The following JAZF1 variants were observed in gnomAD, a reference collection of about 807,000 sequenced individuals.
JAZF1 encodes the protein juxtaposed with another zinc finger protein 1.
In JAZF1, 8 loss-of-function variants were observed where a neutral mutation model predicts 26.4. The ratio of observed to expected loss-of-function variants is 0.30; its 90% CI spans 0.18 to 0.55. The LOEUF (loss-of-function observed/expected upper bound fraction) is 0.55, where lower values mean the gene tolerates loss of function less well. Ranked by LOEUF, JAZF1 falls within the 20% of genes least tolerant of loss-of-function variation. The pLI, the probability that JAZF1 is intolerant of heterozygous loss-of-function variation, is 0.94. For synonymous variants in JAZF1, 126 were observed against 122.3 expected (o/e 1.03, Z -0.20); for missense variants, 199 against 322.0 (o/e 0.62, Z 2.92).
chr7:27,982,022 G>A (rs1240649812), intron 2 of JAZF1, among the ~76,000 whole-genome samples: 1 of 152,216 alleles, frequency 6.6e-6, no homozygotes, highest in African/African-American at 2.4e-5. Context: ...AATAGGAACT[G>A]CTCCAGTCTG....
In JAZF1 at chr7:28,068,334, T is replaced by C. The variant is rs548680246; in HGVS notation, c.116-76353A>G. On this transcript the variant is annotated intron_variant, in intron 1 of 4. Transcript: ENST00000283928. Reference sequence around the variant, plus strand: ...TTATCTCTAAAATACAAAAAGGATATGTAATGGGCATGCAATTGGTCAGTA... The same window carrying C: ...TTATCTCTAAAATACAAAAAGGATACGTAATGGGCATGCAATTGGTCAGTA... Among the ~76,000 whole-genome samples the C allele has an allele frequency of 4.0e-5, 6 of 151,860 alleles. No homozygotes were observed. In the East Asian group the frequency reaches 7.8e-4, roughly 20 times the overall value.
At chr7:27,988,131 G>C (rs1464599892) in intron 2 of JAZF1, among the ~76,000 whole-genome samples, 1 of 150,316 alleles carries the variant, frequency 6.7e-6, no homozygotes, top group Non-Finnish European at 1.5e-5. Context: ...CTCCACTATT[G>C]TCCTATGACC....
At chr7:27,884,983 T>G (rs9655275) in intron 3 of JAZF1, among the ~76,000 whole-genome samples, 6 of 151,982 alleles carry the variant, frequency 3.9e-5, no homozygotes, top group African/African-American at 1.5e-4. Flanking sequence ...CCCTCTCCCC[T>G]CAGAGCAGGT....
At chr7:28,151,094 GATAT>G (rs148248800) in intron 1 of JAZF1, among the ~76,000 whole-genome samples, 5 of 76,878 alleles carry the variant, frequency 6.5e-5, no homozygotes, top group African/African-American at 3.8e-4. Flanking sequence ...GGGGATTTTC[GATAT>G]ATATATATAT....
intron 2 of JAZF1, among the ~76,000 whole-genome samples, chr7:27,987,776 G>C (rs1049228781): frequency 3.3e-5 from 5 of 152,260 alleles, no homozygotes; most frequent in Non-Finnish European, 5.9e-5. Context: ...AAGAAAGAGA[G>C]ATCAGATTGT....
chr7:27,988,920 T>TAAAAA (rs57661404), intron 2 of JAZF1, among the ~76,000 whole-genome samples: 16 of 83,728 alleles, frequency 1.9e-4, no homozygotes, highest in South Asian at 5.2e-4. Flanking sequence ...AGAATCTCTG[T>TAAAAA]AAAAAAAAAA....
At chr7:28,043,770 T>C (rs1783445860) in intron 1 of JAZF1, among the ~76,000 whole-genome samples, 1 of 152,048 alleles carries the variant, frequency 6.6e-6, no homozygotes, top group African/African-American at 2.4e-5. Flanking sequence ...CAAAATGTAG[T>C]ATATTCTTAC....
At chr7:27,833,118 C>G in intron 4 of JAZF1, 142 bp from the exon 5 acceptor site, 1 of 544,596 alleles carries the variant, frequency 1.8e-6, no homozygotes, top group Non-Finnish European at 3.1e-6. Flanking sequence ...CAGTTGGGAC[C>G]CTTCAAGGAC....
intron 3 of JAZF1, among the ~76,000 whole-genome samples, chr7:27,873,625 T>C (rs747157567): frequency 7.9e-5 from 12 of 152,222 alleles, no homozygotes; most frequent in Non-Finnish European, 1.5e-4. Context: ...TTGTTGCCAG[T>C]AGATGTGCCT....
Position 28,106,481 on chromosome 7 carries a change from C to T in JAZF1, c.115+73982G>A, listed in dbSNP as rs1047377992. Among the ~76,000 whole-genome samples the T allele has an allele frequency of 3.9e-5, 6 of 152,160 alleles. 1 individual carries two copies. The highest frequency in any genetic ancestry group is 3.3e-4 in the Admixed American group (5 of 15,278). The stretch of plus-strand genomic sequence containing the variant: ...AGCGAGTTCTAGGGAGACACAGGAT[C>T]TGACACGTGTTAATACCTCATTATA... On this transcript the variant is annotated intron_variant, in intron 1 of 4. Transcript: ENST00000283928.
At chr7:27,993,802 A>G (rs1355004826) in intron 1 of JAZF1, among the ~76,000 whole-genome samples, 1 of 152,314 alleles carries the variant, frequency 6.6e-6, no homozygotes, top group East Asian at 1.9e-4. Flanking sequence ...TGACGATCAA[A>G]GGGCTTTGCT....
rs80057281 is a variant in JAZF1, at chr7:28,082,944, C to T, written c.116-90963G>A. Among the ~76,000 whole-genome samples, 1,384 of 152,330 alleles carry T rather than the reference C, an allele frequency of 9.1e-3. 23 individuals carry two copies. The highest frequency in any genetic ancestry group is 0.032 in the African/African-American group (1,332 of 41,572). ...CCTTCAGTCTGTGAGAAAGTCAAAACTCCTCCAACTGGGATTGCAAAGCCC... is the reference window on the plus strand; with the variant it reads ...CCTTCAGTCTGTGAGAAAGTCAAAATTCCTCCAACTGGGATTGCAAAGCCC... On this transcript the variant is annotated intron_variant, in intron 1 of 4. Coordinates refer to ENST00000283928, the MANE Select transcript of JAZF1 (RefSeq NM_175061.4).
chr7:28,086,582 C>T (rs970536840), intron 1 of JAZF1, among the ~76,000 whole-genome samples: 1 of 152,142 alleles, frequency 6.6e-6, no homozygotes, highest in Non-Finnish European at 1.5e-5. Flanking sequence ...CAGAGCAGCA[C>T]CTTCATTTAA....
At chr7:27,864,536 A>T (rs746675957) in intron 3 of JAZF1, among the ~76,000 whole-genome samples, 17 of 152,194 alleles carry the variant, frequency 1.1e-4, no homozygotes, top group Non-Finnish European at 2.2e-4. Context: ...CCCTAGCAGG[A>T]GTCCTCTCCC....
intron 2 of JAZF1, among the ~76,000 whole-genome samples, chr7:27,911,615 T>C (rs1371260458): frequency 1.3e-5 from 2 of 152,224 alleles, no homozygotes; most frequent in Non-Finnish European, 2.9e-5. Flanking sequence ...CCATATTGAA[T>C]AGAAACATAA....
At chr7:28,160,886 G>T (rs556980959) in intron 1 of JAZF1, among the ~76,000 whole-genome samples, 47 of 152,228 alleles carry the variant, frequency 3.1e-4, no homozygotes, top group African/African-American at 1.1e-3. Flanking sequence ...GTTTGTTTTT[G>T]GTTTGGTTGG....
intron 1 of JAZF1, among the ~76,000 whole-genome samples, chr7:28,081,233 A>G (rs1408598100): frequency 1.3e-5 from 2 of 152,214 alleles, no homozygotes; most frequent in Admixed American, 1.3e-4. Context: ...GTAAGCCTGG[A>G]ATGGAGCCAG....
At chr7:28,116,404 C>T (rs1432862626) in intron 1 of JAZF1, among the ~76,000 whole-genome samples, 1 of 152,162 alleles carries the variant, frequency 6.6e-6, no homozygotes, top group Non-Finnish European at 1.5e-5. Context: ...ATGTGTAAGG[C>T]TGAAGATCTT....
intron 3 of JAZF1, among the ~76,000 whole-genome samples, chr7:27,888,218 A>C (rs1007129566): frequency 6.6e-6 from 1 of 152,190 alleles, no homozygotes; most frequent in Admixed American, 6.5e-5. Context: ...AGAAAAACCA[A>C]ATCACAGCCT....
Sources: allele counts gnomAD v4.1 joint callset (sites outside exome capture counted in the v4.1 genomes callset), GRCh38; gene constraint gnomAD v4.1.1; transcripts MANE v1.5; gene names NCBI Gene and HGNC (gene_info 2026-07-23, HGNC 2026-07-21).